The following INPP5A variants were observed in gnomAD, a reference collection of about 807,000 sequenced individuals.
The protein encoded by INPP5A is inositol polyphosphate-5-phosphatase A.
INPP5A carries 14 observed loss-of-function variants against 65.2 expected under a neutral mutation model. That is an observed-to-expected ratio of 0.21 (90% CI 0.14 to 0.34). The LOEUF is 0.34. INPP5A is among the 10% of genes least tolerant of loss of function. INPP5A has a pLI of 1.00. For synonymous variants in INPP5A, 207 were observed against 208.3 expected (o/e 0.99, Z 0.05); for missense variants, 431 against 545.6 (o/e 0.79, Z 2.09).
intron 4 of INPP5A, among the ~76,000 whole-genome samples, chr10:132,662,741 G>A (rs1359868834): frequency 5.9e-5 from 9 of 152,054 alleles, no homozygotes; most frequent in Admixed American, 2.6e-4. Context: ...CACCCCACCC[G>A]CACTCCAGCC....
Position 132,596,761 on chromosome 10 carries a change from A to G in INPP5A, c.76-11154A>G, listed in dbSNP as rs7082122. On this transcript the variant is annotated intron_variant, in intron 1 of 15. Coordinates refer to ENST00000368594, the MANE Select transcript of INPP5A (RefSeq NM_005539.5). ...TGTGTGCATGTTTGTGTACGTGTGTATGCATGCATGTGTGTTTGTGTGCAG... is the reference window on the plus strand; with the variant it reads ...TGTGTGCATGTTTGTGTACGTGTGTGTGCATGCATGTGTGTTTGTGTGCAG... Among the ~76,000 whole-genome samples, 124 of 151,790 alleles carry G rather than the reference A, an allele frequency of 8.2e-4. 3 individuals carry two copies. In the East Asian group the frequency reaches 0.023, roughly 28 times the overall value.
intron 9 of INPP5A, among the ~76,000 whole-genome samples, chr10:132,728,267 G>T (rs1317758877): frequency 6.6e-6 from 1 of 152,224 alleles, no homozygotes; most frequent in Non-Finnish European, 1.5e-5. Context: ...ACATCCCCCA[G>T]CAGGGGCCCC....
chr10:132,596,652 G>A (rs1314859737), intron 1 of INPP5A, among the ~76,000 whole-genome samples: 2 of 152,178 alleles, frequency 1.3e-5, no homozygotes, highest in African/African-American at 4.8e-5. Context: ...CTGTTCTTGA[G>A]AATTCCTGAC....
chr10:132,752,296 G>A (rs1846500275), intron 11 of INPP5A, among the ~76,000 whole-genome samples: 1 of 152,000 alleles, frequency 6.6e-6, no homozygotes, highest in Non-Finnish European at 1.5e-5. Context: ...TGCCAGGGAA[G>A]CCCAGGGAGA....
At position 132,650,532 on chromosome 10, in the gene INPP5A, G is replaced by C. The variant is rs780445079; in HGVS notation, c.306+27G>C. On this transcript the variant is annotated intron_variant, in intron 4 of 15. Transcript: ENST00000368594. The surrounding 1 kb of genome is among the most constrained non-coding windows in gnomAD (Gnocchi z 5.5). ...TGAGTCCCTCCCGCTGCCTGGTGCA[G>C]GGGTCAGACAGGCTGGCCTTGGCAG... The C allele has an allele frequency of 1.3e-6, 2 of 1,535,966 alleles. No individual in the cohort carries two copies. Among genetic ancestry groups the C allele is most frequent in the East Asian group, 4.5e-5 (2 of 44,488 alleles).
chr10:132,559,785 G>A (rs1273064251), intron 1 of INPP5A, among the ~76,000 whole-genome samples: 1 of 152,174 alleles, frequency 6.6e-6, no homozygotes. Context: ...GTGTGTTCCA[G>A]GGACTCCACT....
intron 2 of INPP5A, among the ~76,000 whole-genome samples, chr10:132,617,441 C>T (rs2072053270): frequency 6.6e-6 from 1 of 152,206 alleles, no homozygotes; most frequent in Non-Finnish European, 1.5e-5. Context: ...CTCACACACG[C>T]TCACTGCCTG....
rs753040723 is a variant in INPP5A, at chr10:132,674,423, G to C, written c.307-15969G>C. 3.3e-5 allele frequency among the ~76,000 whole-genome samples: 5 copies of C among 152,234 alleles called. No homozygotes were observed. Among genetic ancestry groups the C allele is most frequent in the Non-Finnish European group, 7.3e-5 (5 of 68,048 alleles). ...GAATGTCCTAGAAAGGGGCTGTCAT[G>C]CTACAGCTGTCCACTTTCGGGTGGT... On this transcript the variant is annotated intron_variant, in intron 4 of 15. Coordinates refer to ENST00000368594, the MANE Select transcript of INPP5A (RefSeq NM_005539.5). The surrounding 1 kb of genome is among the most constrained non-coding windows in gnomAD (Gnocchi z 4.4).
At position 132,675,261 on chromosome 10, in the gene INPP5A, T is replaced by A. The variant is rs1025085078; in HGVS notation, c.307-15131T>A. Among the ~76,000 whole-genome samples the A allele has an allele frequency of 6.6e-6, 1 of 152,254 alleles. No individual in the cohort carries two copies. Among genetic ancestry groups the A allele is most frequent in the African/African-American group, 2.4e-5 (1 of 41,464 alleles). On this transcript the variant is annotated intron_variant, in intron 4 of 15. Coordinates refer to ENST00000368594, the MANE Select transcript of INPP5A (RefSeq NM_005539.5). The surrounding 1 kb of genome is among the most constrained non-coding windows in gnomAD (Gnocchi z 4.2). ...CCGCAGGGGACGGTGCAGCCGCATC[T>A]TCCGTGTCCTTGGAGGAAATGTCAG...
At position 132,720,600 on chromosome 10, in the gene INPP5A, G is replaced by A. The variant is rs1448456113; in HGVS notation, c.648-6221G>A. Among the ~76,000 whole-genome samples, 5 of 149,292 alleles carry A rather than the reference G, an allele frequency of 3.3e-5. No homozygotes were observed. The East Asian group carries it at 6.2e-4, about 19-fold the overall frequency. On this transcript the variant is annotated intron_variant, in intron 8 of 15. Transcript: ENST00000368594. ...CGGTTCTGTCTGGGCACCTTAGACG[G>A]CTGTCTTCAGGGTTCTGTGGTACCT...
intron 2 of INPP5A, among the ~76,000 whole-genome samples, chr10:132,635,427 G>A (rs1164274723): frequency 1.9e-5 from 2 of 102,966 alleles, no homozygotes; most frequent in African/African-American, 7.8e-5. Context: ...ACGGAGTCTC[G>A]CTCTGTTGCC....
intron 9 of INPP5A, among the ~76,000 whole-genome samples, chr10:132,737,577 T>C (rs2134609299): frequency 6.6e-6 from 1 of 152,312 alleles, no homozygotes; most frequent in African/African-American, 2.4e-5. Flanking sequence ...CTCTGGATGG[T>C]GAGGCAGGCC....
In INPP5A at chr10:132,555,545, G is replaced by A. The variant is rs1031832969; in HGVS notation, c.75+17374G>A. ...CACAAAGTGCACGGGGTGACCAGGA[G>A]CCTCTGGACAGTGGGGCCGTCCTGA... On this transcript the variant is annotated intron_variant, in intron 1 of 15. Coordinates refer to ENST00000368594, the MANE Select transcript of INPP5A (RefSeq NM_005539.5). This position sits in a 1 kb window ranked among gnomAD's most constrained non-coding sequence, Gnocchi z 4.4. Among the ~76,000 whole-genome samples the A allele has an allele frequency of 2.6e-5, 4 of 152,146 alleles. No homozygotes were observed. Among genetic ancestry groups the A allele is most frequent in the African/African-American group, 9.7e-5 (4 of 41,420 alleles).
At chr10:132,621,289 G>A (rs2072103813) in intron 2 of INPP5A, among the ~76,000 whole-genome samples, 1 of 152,204 alleles carries the variant, frequency 6.6e-6, no homozygotes, top group South Asian at 2.1e-4. Context: ...AATAGGGCAA[G>A]AAAGTGTGAA....
At chr10:132,646,095 T>C in intron 3 of INPP5A, 127 bp downstream of exon 3, 2 of 657,348 alleles carry the variant, frequency 3.0e-6, no homozygotes, top group Non-Finnish European at 5.4e-6. Flanking sequence ...TCATCTTGGC[T>C]GAGTCTCAGT....
At chr10:132,598,563 TA>T (rs1432548043) in intron 1 of INPP5A, among the ~76,000 whole-genome samples, 6 of 152,264 alleles carry the variant, frequency 3.9e-5, no homozygotes, top group African/African-American at 1.4e-4. Flanking sequence ...ATAGTCAGAA[TA>T]CCCTTCCTTT....
intron 8 of INPP5A, among the ~76,000 whole-genome samples, chr10:132,720,108 G>T (rs1192199158): frequency 1.3e-5 from 2 of 149,894 alleles, no homozygotes; most frequent in Non-Finnish European, 3.0e-5. Context: ...GGGTTCTGTG[G>T]TACCTGGGTT....
intron 8 of INPP5A, among the ~76,000 whole-genome samples, chr10:132,719,267 A>G (rs149806495): frequency 0.018 from 1,898 of 102,878 alleles, 53 homozygotes; most frequent in African/African-American, 0.062. Flanking sequence ...CACCTTAGAC[A>G]GCTGTCTTCA....
chr10:132,662,232 A>G (rs1175827283), intron 4 of INPP5A, among the ~76,000 whole-genome samples: 1 of 152,168 alleles, frequency 6.6e-6, no homozygotes, highest in Non-Finnish European at 1.5e-5. Flanking sequence ...ATGCGAAAAC[A>G]TGGAGGTCTT....
Sources: gnomAD v4.1 joint callset for allele counts (sites outside exome capture counted in the v4.1 genomes callset) on GRCh38, gnomAD v4.1.1 for gene constraint, Gnocchi (gnomAD v3.1) non-coding constraint, MANE v1.5 for transcripts, NCBI Gene and HGNC (gene_info 2026-07-23, HGNC 2026-07-21) for gene names.